The following NAV3 variants were observed in gnomAD, a reference collection of about 807,000 sequenced individuals.
The protein encoded by NAV3 is neuron navigator 3, also known as pore membrane and/or filament interacting like protein 1.
Under a neutral mutation model 244.7 loss-of-function variants are expected in NAV3, and 87 were observed. That is an observed-to-expected ratio of 0.36 (90% CI 0.30 to 0.42). The LOEUF is 0.42. Among genes scored for constraint, NAV3 ranks in the 20% least tolerant of loss-of-function variants. NAV3 has a pLI of 1.00. For missense variants in NAV3, 2,663 were observed against 2,893.3 expected, an observed-to-expected ratio of 0.92 and a Z score of 1.83; for synonymous variants, 1,126 against 1,042.2, an observed-to-expected ratio of 1.08 and a Z score of -1.55.
chr12:77,999,330 C>T (rs180772255), intron 7 of NAV3, among the ~76,000 whole-genome samples: 64 of 152,276 alleles, frequency 4.2e-4, no homozygotes, highest in African/African-American at 1.5e-3. Flanking sequence ...GTGTTGGGCT[C>T]TACATGGAAA....
At position 77,743,554 on chromosome 12, in the gene NAV3, A is replaced by G. The variant is rs555085774; in HGVS notation, c.72+171288A>G. On this transcript the variant is annotated intron_variant, in intron 2 of 8. Transcript: ENST00000550042. ...TCAGAAACTAGAAAGAGCATAAATG[A>G]ATGTTCATTCATAAGTGAGTGGATG... Among the ~76,000 whole-genome samples, 3 of 152,040 alleles carry G rather than the reference A, an allele frequency of 2.0e-5. No individual in the cohort carries two copies. The South Asian group carries it at 6.2e-4, about 32-fold the overall frequency.
At chr12:77,698,210 C>G (rs958068269) in intron 2 of NAV3, among the ~76,000 whole-genome samples, 4 of 152,124 alleles carry the variant, frequency 2.6e-5, no homozygotes, top group Admixed American at 2.6e-4. Flanking sequence ...CCATCTCATC[C>G]TGTTCCATTC....
chr12:77,850,440 C>A (rs138367759), intron 1 of NAV3, among the ~76,000 whole-genome samples: 1 of 152,278 alleles, frequency 6.6e-6, no homozygotes, highest in African/African-American at 2.4e-5. Flanking sequence ...GGATTTCAGA[C>A]AGGATACTTA....
chr12:78,201,102 T>C (rs572473354), intron 38 of NAV3, among the ~76,000 whole-genome samples: 4 of 127,480 alleles, frequency 3.1e-5, no homozygotes, highest in East Asian at 5.1e-4. Context: ...AGACAGGGTC[T>C]CACTCTGTCA....
At chr12:77,660,301 G>A (rs1350958948) in intron 2 of NAV3, among the ~76,000 whole-genome samples, 1 of 152,080 alleles carries the variant, frequency 6.6e-6, no homozygotes, top group Non-Finnish European at 1.5e-5. Flanking sequence ...AGCAGGTCTT[G>A]TTCCTATTTT....
intron 12 of NAV3, among the ~76,000 whole-genome samples, chr12:78,099,949 A>AT (rs1315954560): frequency 1.3e-5 from 2 of 152,018 alleles, no homozygotes; most frequent in East Asian, 1.9e-4. Context: ...AGAGCTTTCC[A>AT]TTTTTTGTTT....
At chr12:77,770,225 G>T (rs1417028019) in intron 2 of NAV3, among the ~76,000 whole-genome samples, 1 of 152,142 alleles carries the variant, frequency 6.6e-6, no homozygotes, top group African/African-American at 2.4e-5. Flanking sequence ...ACACTGAGGA[G>T]AATATTTGTA....
intron 5 of NAV3, among the ~76,000 whole-genome samples, chr12:77,985,431 A>C (rs1009838184): frequency 6.6e-6 from 1 of 152,198 alleles, no homozygotes; most frequent in Non-Finnish European, 1.5e-5. Context: ...TCATTAATTC[A>C]GTATCCAAAA....
chr12:77,670,659 C>G (rs1415818476), intron 2 of NAV3, among the ~76,000 whole-genome samples: 1 of 151,946 alleles, frequency 6.6e-6, no homozygotes, highest in Non-Finnish European at 1.5e-5. Flanking sequence ...ATGTGATACA[C>G]CGCTTAAGCA....
chr12:77,668,392 G>A (rs1333553288), intron 2 of NAV3, among the ~76,000 whole-genome samples: 3 of 151,900 alleles, frequency 2.0e-5, no homozygotes, highest in Admixed American at 1.3e-4. Flanking sequence ...ACATAATACA[G>A]GATATGAAAG....
intron 2 of NAV3, among the ~76,000 whole-genome samples, chr12:77,665,896 T>C (rs1873691294): frequency 6.6e-6 from 1 of 152,158 alleles, no homozygotes; most frequent in Non-Finnish European, 1.5e-5. Flanking sequence ...ATTTTTCAAA[T>C]GAGGAAAAAG....
intron 5 of NAV3, among the ~76,000 whole-genome samples, chr12:77,990,611 G>A (rs961173624): frequency 1.3e-5 from 2 of 152,160 alleles, no homozygotes; most frequent in African/African-American, 2.4e-5. Context: ...ATTTAGGCCA[G>A]TTTCAACAAT....
At chr12:77,622,951 G>C (rs1166289971) in intron 2 of NAV3, among the ~76,000 whole-genome samples, 1 of 152,138 alleles carries the variant, frequency 6.6e-6, no homozygotes, top group Non-Finnish European at 1.5e-5. Flanking sequence ...GTCCAGAGAA[G>C]GTGGTTTTCA....
At chr12:77,696,583 CA>C (rs1441944544) in intron 2 of NAV3, among the ~76,000 whole-genome samples, 5 of 152,038 alleles carry the variant, frequency 3.3e-5, no homozygotes, top group Non-Finnish European at 7.4e-5. Context: ...TCTTGTTCCA[CA>C]GGAATTATGA....
chr12:77,618,655 G>A (rs1432497315), intron 2 of NAV3, among the ~76,000 whole-genome samples: 3 of 152,128 alleles, frequency 2.0e-5, no homozygotes, highest in African/African-American at 7.2e-5. Context: ...CAACAAAATA[G>A]CTTGAATAGA....
chr12:77,961,960 C>T (rs1359805704), intron 3 of NAV3, among the ~76,000 whole-genome samples: 1 of 151,924 alleles, frequency 6.6e-6, no homozygotes, highest in Non-Finnish European at 1.5e-5. Context: ...ATTATGAGCA[C>T]CTTTCATGAA....
intron 1 of NAV3, among the ~76,000 whole-genome samples, chr12:77,890,485 T>C (rs1883802411): frequency 6.6e-6 from 1 of 152,178 alleles, no homozygotes; most frequent in Non-Finnish European, 1.5e-5. Context: ...ATTTCTTTAA[T>C]TGTAAATGAA....
rs1874279872 is a variant in NAV3, at chr12:78,006,672, C to T, written c.1134C>T (p.Pro378=). ...PPVSEGVKTA[P]SGQKSMLEKF... Reference sequence around the variant, plus strand: ...TCTCAGAAGGGGTCAAAACTGCTCCCTCAGGACAGAAATCCATGCTTGAGA... The same window carrying T: ...TCTCAGAAGGGGTCAAAACTGCTCCTTCAGGACAGAAATCCATGCTTGAGA... The change falls in exon 8 of 40, where the codon CCC becomes CCT. Residue 378 remains proline, a synonymous_variant. Transcript: ENST00000397909. 6.2e-7 allele frequency: 1 copy of T among 1,614,152 alleles called. No homozygotes were observed. Among genetic ancestry groups the T allele is most frequent in the Non-Finnish European group, 8.5e-7 (1 of 1,180,036 alleles).
chr12:77,760,478 T>C (rs1404495447), intron 2 of NAV3, among the ~76,000 whole-genome samples: 1 of 152,234 alleles, frequency 6.6e-6, no homozygotes, highest in Admixed American at 6.5e-5. Context: ...TATTGTTTAG[T>C]GTCACTTGTA....
Sources: gnomAD v4.1 joint callset for allele counts (sites outside exome capture counted in the v4.1 genomes callset) on GRCh38, gnomAD v4.1.1 for gene constraint, MANE v1.5 for transcripts, NCBI Gene and HGNC (gene_info 2026-07-23, HGNC 2026-07-21) for gene names.